Variants in MGAM observed in about 807,000 individuals in gnomAD.
The protein encoded by MGAM is alpha-1,4-glucosidase.
A neutral mutation model predicts 358.8 loss-of-function variants in MGAM; 253 were observed. The ratio of observed to expected loss-of-function variants is 0.71; its 90% CI spans 0.64 to 0.78. The LOEUF (loss-of-function observed/expected upper bound fraction) is 0.78. Ranked by LOEUF, MGAM falls within the 30% of genes least tolerant of loss-of-function variation. The probability of loss-of-function intolerance (pLI) is 0.00; values close to 1 mark genes in which losing one functional copy is unlikely to be tolerated. For missense variants in MGAM, 3,080 were observed against 3,432.6 expected (o/e 0.90, Z 2.57); for synonymous variants, 1,105 against 1,227.1 (o/e 0.90, Z 2.08).
chr7:142,030,673 T>G lies in MGAM; in HGVS notation c.1386T>G (p.Ser462Arg). 1 of 1,613,190 alleles carries G rather than the reference T, an allele frequency of 6.2e-7. No homozygotes were observed. The highest frequency in any genetic ancestry group is 8.5e-7 in the Non-Finnish European group (1 of 1,179,276). The change falls in exon 12 of 71, where the codon AGT (serine) becomes AGG (arginine). Residue 462 changes from serine to arginine, a missense_variant. Physicochemically the swap from Ser to Arg is moderately radical, Grantham distance 110 (BLOSUM62 -1). This residue lies in a region of MGAM where 1,816 missense variants were observed against 1,840.5 expected (regional missense o/e 0.99). Transcript: ENST00000475668. ...DPAISNNSSS[S>R]KPYGPYDRGS... ...CCATCTCCAACAACTCTTCCTCAAG[T>G]AAACCCTATGGCCCATATGACAGGG...
chr7:142,034,787 C>T lies in MGAM; in HGVS notation c.1905C>T (p.Asp635=). The T allele has an allele frequency of 6.2e-7, 1 of 1,613,498 alleles. No individual in the cohort carries two copies. The highest frequency in any genetic ancestry group is 8.5e-7 in the Non-Finnish European group (1 of 1,179,588). The part of the protein sequence containing the change: ...WLGDNTATWD[D]LRWSIPGVLE... ...GAGACAACACTGCCACCTGGGATGACCTGAGATGGTCCATCCCTGGCGTGC... is the reference window on the plus strand; with the variant it reads ...GAGACAACACTGCCACCTGGGATGATCTGAGATGGTCCATCCCTGGCGTGC... Residue 635 remains aspartate (D), a synonymous_variant, in exon 16 of 71, where the codon GAC becomes GAT. Transcript: ENST00000475668.
intron 19 of MGAM, among the ~76,000 whole-genome samples, chr7:142,039,551 A>AT (rs1293641191): frequency 1.3e-5 from 2 of 152,086 alleles, no homozygotes; most frequent in Non-Finnish European, 2.9e-5. Context: ...TGGGGATTAC[A>AT]TTTCAACATG....
At position 142,053,508 on chromosome 7, in the gene MGAM, G is replaced by A. The variant is rs559402133; in HGVS notation, c.3159+524G>A. Among the ~76,000 whole-genome samples, 7 of 152,258 alleles carry A rather than the reference G, an allele frequency of 4.6e-5. No individual in the cohort carries two copies. In the South Asian group the frequency reaches 1.5e-3, roughly 32 times the overall value. Reference sequence around the variant, plus strand: ...TAAGATGATATGTTCAGTTTGGGATGCTGAATTTGAGATTTCTGTAAAATG... The same window carrying A: ...TAAGATGATATGTTCAGTTTGGGATACTGAATTTGAGATTTCTGTAAAATG... On this transcript the variant is annotated intron_variant, in intron 26 of 70. Transcript: ENST00000475668.
chr7:142,102,798 T>C, intron 69 of MGAM, 119 bp downstream of exon 69: 1 of 995,500 alleles, frequency 1.0e-6, no homozygotes, highest in African/African-American at 1.6e-5. Flanking sequence ...CTAATTCACA[T>C]TCTTCTACTT....
At chr7:142,042,021 ATATAT>A (rs1184367414) in intron 21 of MGAM, among the ~76,000 whole-genome samples, 4 of 22,714 alleles carry the variant, frequency 1.8e-4, no homozygotes, top group African/African-American at 3.2e-4. Flanking sequence ...TATAATATAT[ATATAT>A]TATATTATAT....
Position 142,036,954 on chromosome 7 carries a change from G to C in MGAM, c.2208G>C (p.Thr736=). Reference sequence around the variant, plus strand: ...TCCGTGCTCACAGCCGAGGGGACACGGTGGCCAGGCCCCTTTTGCATGAGT... The same window carrying C: ...TCCGTGCTCACAGCCGAGGGGACACCGTGGCCAGGCCCCTTTTGCATGAGT... ...LFFRAHSRGD[T]VARPLLHEFY... The change falls in exon 18 of 71, where the codon ACG becomes ACC. Residue 736 remains threonine, a synonymous_variant. Transcript: ENST00000475668. 6.2e-7 allele frequency: 1 copy of C among 1,613,346 alleles called. No individual in the cohort carries two copies. Among genetic ancestry groups the C allele is most frequent in the African/African-American group, 1.3e-5 (1 of 75,000 alleles).
chr7:142,003,653 A>G (rs1265772717), intron 1 of MGAM, among the ~76,000 whole-genome samples: 1 of 152,050 alleles, frequency 6.6e-6, no homozygotes, highest in Non-Finnish European at 1.5e-5. Context: ...AGAATTTATG[A>G]CCAAGTCCTC....
Position 142,032,761 on chromosome 7 carries a change from C to T in MGAM, c.1585-64C>T, listed in dbSNP as rs1217194241. ...TTATCTGATTAATTAAAAAAAGACA[C>T]CATCACGACATCATAAGATAACATG... is the stretch of plus-strand genomic sequence containing the variant. On this transcript the variant is annotated intron_variant, in intron 13 of 70. Transcript: ENST00000475668. The T allele has an allele frequency of 5.3e-6, 5 of 938,408 alleles. No homozygotes were observed. The Admixed American group carries it at 9.3e-5, about 17-fold the overall frequency. 58.1% of individuals were successfully genotyped at this position (938,408 alleles called of 1,614,324 possible).
At chr7:142,058,101 G>C in intron 30 of MGAM, 102 bp from the exon 31 acceptor site, 2 of 1,553,564 alleles carry the variant, frequency 1.3e-6, no homozygotes, top group Non-Finnish European at 1.7e-6. Context: ...CAATTAGTTA[G>C]TTGTCTAGCT....
At chr7:142,076,556 G>C (rs556466797) in intron 46 of MGAM, 103 bp from the exon 47 acceptor site, 6 of 1,087,068 alleles carry the variant, frequency 5.5e-6, no homozygotes, top group Non-Finnish European at 8.2e-6. Context: ...AGGCATTCAT[G>C]GCAGTGGGGG....
chr7:141,994,231 T>A (rs1250832586), upstream of MGAM, among the ~76,000 whole-genome samples: 2 of 152,300 alleles, frequency 1.3e-5, no homozygotes, highest in East Asian at 3.9e-4. Flanking sequence ...TAAGTTCTTC[T>A]TGCCCACTGC....
At chr7:142,045,477 A>G (rs1052039312) in intron 21 of MGAM, among the ~76,000 whole-genome samples, 28 of 111,898 alleles carry the variant, frequency 2.5e-4, no homozygotes, top group African/African-American at 8.3e-4. Context: ...TATATATTAT[A>G]TATACATACA....
chr7:141,987,046 A>T (rs574160773), intron 2 of MGAM, among the ~76,000 whole-genome samples: 12 of 152,306 alleles, frequency 7.9e-5, no homozygotes, highest in African/African-American at 2.6e-4. Context: ...TATACTGGAC[A>T]ATGGAGACGA....
chr7:141,999,314 T>C (rs2128976286), intron 1 of MGAM, among the ~76,000 whole-genome samples: 1 of 152,346 alleles, frequency 6.6e-6, no homozygotes. Flanking sequence ...CTATGGGCCA[T>C]AAACTTAATG....
chr7:142,078,547 C>T, intron 48 of MGAM, 77 bp downstream of exon 48: 1 of 1,316,722 alleles, frequency 7.6e-7, no homozygotes, highest in Non-Finnish European at 1.0e-6. Context: ...AGCAGTGGCA[C>T]TTATATAACT....
chr7:142,050,312 G>A (rs1810821245), intron 23 of MGAM, 28 bp downstream of exon 23: 8 of 1,607,492 alleles, frequency 5.0e-6, no homozygotes, highest in African/African-American at 2.7e-5. Context: ...ATGAATCTTA[G>A]GTGTGGGCTT....
In MGAM at chr7:142,042,467, TA is replaced by T. The variant is rs542946932; in HGVS notation, c.2498+1623del. ...AATATATAATATAACATATAATATA[TA>T]ATATATAATATATATTATATACATA... is the stretch of plus-strand genomic sequence containing the variant. On this transcript the variant is annotated intron_variant, in intron 21 of 70. Coordinates refer to ENST00000475668, the MANE Select transcript of MGAM (RefSeq NM_001365693.1). Among the ~76,000 whole-genome samples the T allele has an allele frequency of 3.2e-3, 69 of 21,498 alleles. 18 individuals carry two copies. Among genetic ancestry groups the T allele is most frequent in the African/African-American group, 0.014 (65 of 4,774 alleles). 14.1% of individuals were successfully genotyped at this position (21,498 alleles called of 152,430 possible). A position where few individuals can be genotyped will look rare whatever the true frequency, so the allele number is the denominator to read the frequency against.
intron 64 of MGAM, 74 bp downstream of exon 64, chr7:142,095,787 C>A: frequency 6.3e-7 from 1 of 1,580,200 alleles, no homozygotes; most frequent in Non-Finnish European, 8.6e-7. Context: ...TTGAATTCTT[C>A]CAAATTAAAG....
intron 66 of MGAM, among the ~76,000 whole-genome samples, chr7:142,098,368 A>T (rs1487721979): frequency 6.6e-6 from 1 of 152,104 alleles, no homozygotes; most frequent in Non-Finnish European, 1.5e-5. Context: ...GGGAAGAATC[A>T]AAGAAGGCAT....
Sources: allele counts gnomAD v4.1 joint callset (sites outside exome capture counted in the v4.1 genomes callset), GRCh38; gene constraint gnomAD v4.1.1; regional missense constraint gnomAD v4.1.1; transcripts MANE v1.5; gene names NCBI Gene and HGNC (gene_info 2026-07-23, HGNC 2026-07-21).